Variants in DPP10 observed in about 807,000 individuals in gnomAD.
The protein encoded by DPP10 is inactive dipeptidyl peptidase 10.
DPP10 carries 33 observed loss-of-function variants against 120.9 expected under a neutral mutation model. The observed-to-expected ratio is 0.27, with a 90% CI of 0.21 to 0.37. The LOEUF is 0.37. Among genes scored for constraint, DPP10 ranks in the 10% least tolerant of loss-of-function variants. The probability of loss-of-function intolerance (pLI) is 1.00; values close to 1 mark genes in which losing one functional copy is unlikely to be tolerated. For missense variants in DPP10, 816 were observed against 942.8 expected, an observed-to-expected ratio of 0.87 and a Z score of 1.76; for synonymous variants, 337 against 326.1, an observed-to-expected ratio of 1.03 and a Z score of -0.36.
chr2:115,621,680 T>G (rs1050454510), intron 5 of DPP10, among the ~76,000 whole-genome samples: 1 of 152,032 alleles, frequency 6.6e-6, no homozygotes, highest in Non-Finnish European at 1.5e-5. Flanking sequence ...ATTTTTGGTT[T>G]GTTTGTTTGT....
At chr2:114,455,730 T>G (rs867170088) in intron 1 of DPP10, among the ~76,000 whole-genome samples, 2 of 17,078 alleles carry the variant, frequency 1.2e-4, no homozygotes, top group South Asian at 2.7e-3. Flanking sequence ...AATTCATTTG[T>G]TTTTTTTTTT....
chr2:115,232,314 C>T (rs1262440878), intron 1 of DPP10, among the ~76,000 whole-genome samples: 1 of 130,266 alleles, frequency 7.7e-6, no homozygotes, highest in Non-Finnish European at 1.8e-5. Context: ...TGAGCTTCAC[C>T]ATTTTTCTGG....
intron 5 of DPP10, among the ~76,000 whole-genome samples, chr2:115,566,993 C>T (rs1291184386): frequency 2.6e-5 from 4 of 151,994 alleles, no homozygotes; most frequent in South Asian, 2.1e-4. Flanking sequence ...TTATAAGAGA[C>T]GTAAGTAGTT....
chr2:114,526,266 C>A (rs954896935), intron 1 of DPP10, among the ~76,000 whole-genome samples: 2 of 152,200 alleles, frequency 1.3e-5, no homozygotes, highest in African/African-American at 4.8e-5. Context: ...AGATAGTGTA[C>A]ATTGGTCAAT....
At chr2:115,016,336 C>A (rs1481510485) in intron 1 of DPP10, among the ~76,000 whole-genome samples, 1 of 152,126 alleles carries the variant, frequency 6.6e-6, no homozygotes, top group African/African-American at 2.4e-5. Flanking sequence ...CTTCCTTACA[C>A]CTCATACATA....
intron 1 of DPP10, among the ~76,000 whole-genome samples, chr2:114,619,412 TAC>T (rs1318390154): frequency 1.1e-4 from 16 of 149,114 alleles, no homozygotes; most frequent in Admixed American, 4.7e-4. Context: ...TGTGTGTGTG[TAC>T]ACACACATAT....
At chr2:114,932,313 T>C (rs575469440) in intron 1 of DPP10, among the ~76,000 whole-genome samples, 5 of 152,216 alleles carry the variant, frequency 3.3e-5, no homozygotes, top group Non-Finnish European at 7.3e-5. Flanking sequence ...TGACTAAGTA[T>C]ATACCAAGAG....
At chr2:114,938,440 A>G (rs966290921) in intron 1 of DPP10, among the ~76,000 whole-genome samples, 3 of 152,182 alleles carry the variant, frequency 2.0e-5, no homozygotes, top group African/African-American at 7.2e-5. Context: ...ATAATAAAAC[A>G]TACAACTCTT....
intron 7 of DPP10, among the ~76,000 whole-genome samples, chr2:115,708,668 T>G (rs1232473040): frequency 6.6e-6 from 1 of 152,030 alleles, no homozygotes; most frequent in African/African-American, 2.4e-5. Context: ...CTAACCAATT[T>G]TATATCTCTA....
chr2:115,277,443 G>A (rs1480691547), intron 1 of DPP10, among the ~76,000 whole-genome samples: 1 of 128,834 alleles, frequency 7.8e-6, no homozygotes, highest in Admixed American at 8.4e-5. Flanking sequence ...AGTCCTGCCA[G>A]GGCCTTTTTT....
At chr2:115,485,607 A>G (rs1214823441) in intron 3 of DPP10, among the ~76,000 whole-genome samples, 2 of 152,120 alleles carry the variant, frequency 1.3e-5, no homozygotes, top group Non-Finnish European at 2.9e-5. Context: ...GTTTAATTAT[A>G]TACTTGGATT....
intron 5 of DPP10, among the ~76,000 whole-genome samples, chr2:115,644,615 T>A (rs1461335253): frequency 7.0e-6 from 1 of 142,574 alleles, no homozygotes; most frequent in Admixed American, 6.8e-5. Context: ...TATAAGGTAT[T>A]TGAAAAAAAA....
intron 21 of DPP10, among the ~76,000 whole-genome samples, chr2:115,835,253 C>G (rs1689357218): frequency 6.6e-6 from 1 of 151,450 alleles, no homozygotes; most frequent in South Asian, 2.1e-4. Flanking sequence ...AAAGAATTGT[C>G]TTATACCTCA....
intron 1 of DPP10, among the ~76,000 whole-genome samples, chr2:114,642,632 A>G (rs997127075): frequency 6.6e-6 from 1 of 151,848 alleles, no homozygotes; most frequent in African/African-American, 2.4e-5. Flanking sequence ...ATAAATGACT[A>G]TCGAGAAAGC....
At chr2:114,614,212 A>G (rs1693506129) in intron 1 of DPP10, among the ~76,000 whole-genome samples, 2 of 152,022 alleles carry the variant, frequency 1.3e-5, no homozygotes, top group Admixed American at 1.3e-4. Context: ...TGATTTATCT[A>G]CTCCACATCA....
intron 5 of DPP10, among the ~76,000 whole-genome samples, chr2:115,641,073 G>A (rs192182931): frequency 1.3e-3 from 195 of 152,188 alleles, no homozygotes; most frequent in Non-Finnish European, 2.3e-3. Context: ...ATACATACAG[G>A]AAAGTACTCC....
intron 11 of DPP10, among the ~76,000 whole-genome samples, chr2:115,760,445 T>G (rs1180224197): frequency 1.3e-5 from 2 of 152,208 alleles, no homozygotes; most frequent in Non-Finnish European, 2.9e-5. Flanking sequence ...CATGAGTTAA[T>G]GTTTTGGGGA....
intron 1 of DPP10, among the ~76,000 whole-genome samples, chr2:114,490,159 G>C (rs116139822): frequency 0.019 from 2,948 of 152,216 alleles, 98 homozygotes; most frequent in African/African-American, 0.067. Context: ...TCATTCTCTG[G>C]CTATGTCTAG....
intron 8 of DPP10, among the ~76,000 whole-genome samples, chr2:115,737,612 G>C (rs1465972375): frequency 2.6e-5 from 4 of 152,130 alleles, no homozygotes; most frequent in African/African-American, 9.7e-5. Flanking sequence ...TCAGGACATA[G>C]AGGAGGTTGC....
Sources: allele counts gnomAD v4.1 joint callset (sites outside exome capture counted in the v4.1 genomes callset), GRCh38; gene constraint gnomAD v4.1.1; transcripts MANE v1.5; gene names NCBI Gene and HGNC (gene_info 2026-07-23, HGNC 2026-07-21).